Variants in GPR63 observed in about 807,000 individuals in gnomAD.
The protein encoded by GPR63 is probable G protein-coupled receptor 63.
A neutral mutation model predicts 23.1 loss-of-function variants in GPR63; 12 were observed. The observed-to-expected ratio is 0.52, with a 90% CI of 0.33 to 0.84. The LOEUF is 0.84. Ranked by LOEUF, GPR63 falls within the 40% of genes least tolerant of loss-of-function variation. The pLI, the probability that GPR63 is intolerant of heterozygous loss-of-function variation, is 0.02. For missense variants in GPR63, 472 were observed against 515.6 expected (o/e 0.92, Z 0.82); for synonymous variants, 172 against 191.1 (o/e 0.90, Z 0.82).
intron 1 of GPR63, among the ~76,000 whole-genome samples, chr6:96,821,469 A>G (rs1267579540): frequency 7.4e-6 from 1 of 135,008 alleles, no homozygotes; most frequent in Non-Finnish European, 1.6e-5. Context: ...TGACTTTCAA[A>G]TATCTCTTTT....
At chr6:96,818,457 C>T (rs1179258030) in intron 1 of GPR63, among the ~76,000 whole-genome samples, 1 of 151,566 alleles carries the variant, frequency 6.6e-6, no homozygotes, top group Non-Finnish European at 1.5e-5. Flanking sequence ...GAATAAAACT[C>T]CCATTCAAAA....
rs763686478 is a variant in GPR63, at chr6:96,798,689, T to C, written c.1043A>G (p.Asn348Ser). ...TAGCCAGGTGCTAATCTCAAAAAAG[T>C]TGTGCTGATAGTAAAAGTGCTTACT... Reference protein sequence around the residue: ...TFSKHFYYQHNFFEISTWLLW... With the variant: ...TFSKHFYYQHSFFEISTWLLW... Residue 348 changes from asparagine (N) to serine (S), a missense_variant, in exon 2 of 2, where the codon AAC becomes AGC. Transcript: ENST00000229955. 5.6e-6 allele frequency: 9 copies of C among 1,614,178 alleles called. No homozygotes were observed. In the South Asian group the frequency reaches 9.9e-5, roughly 18 times the overall value.
Position 96,799,827 on chromosome 6 carries a change from A to G in GPR63, c.-96T>C, listed in dbSNP as rs997661576. ...TATCAGGTCCCATTGATGGGCTTGG[A>G]AATACATTCTGGAAAATGGACAATG... On this transcript the variant is annotated 5_prime_UTR_variant, in exon 2 of 2. Transcript: ENST00000229955. The G allele has an allele frequency of 7.9e-7, 1 of 1,265,590 alleles. No individual in the cohort carries two copies. Among genetic ancestry groups the G allele is most frequent in the African/African-American group, 1.5e-5 (1 of 68,186 alleles). 78.4% of individuals were successfully genotyped at this position (1,265,590 alleles called of 1,614,324 possible). A position where few individuals can be genotyped will look rare whatever the true frequency, so the allele number is the denominator to read the frequency against.
intron 1 of GPR63, among the ~76,000 whole-genome samples, chr6:96,820,982 C>T (rs968229135): frequency 2.6e-5 from 4 of 152,248 alleles, no homozygotes; most frequent in Admixed American, 6.5e-5. Context: ...AAAAGTCAGT[C>T]GGGGAAACAA....
chr6:96,801,890 G>A (rs918539924), intron 1 of GPR63, among the ~76,000 whole-genome samples: 2 of 152,152 alleles, frequency 1.3e-5, no homozygotes, highest in Non-Finnish European at 2.9e-5. Flanking sequence ...GTGGTAGTTG[G>A]AAGATTTTAC....
At chr6:96,817,861 G>C (rs1774203379) in intron 1 of GPR63, among the ~76,000 whole-genome samples, 1 of 151,418 alleles carries the variant, frequency 6.6e-6, no homozygotes, top group Admixed American at 6.6e-5. Flanking sequence ...AGGGTTTCTG[G>C]GAGGTTCATA....
chr6:96,814,522 G>C (rs1774115877), intron 1 of GPR63, among the ~76,000 whole-genome samples: 1 of 152,130 alleles, frequency 6.6e-6, no homozygotes. Flanking sequence ...AGAGGGCAAT[G>C]TGCTGCCAAT....
intron 1 of GPR63, among the ~76,000 whole-genome samples, chr6:96,830,903 G>C (rs1774563416): frequency 6.6e-6 from 1 of 152,140 alleles, no homozygotes; most frequent in Non-Finnish European, 1.5e-5. Flanking sequence ...ATTTCAAAAG[G>C]TAATTTCTGG....
chr6:96,804,028 C>T lies in GPR63; in HGVS notation c.-150-4147G>A, dbSNP rs114366863. On this transcript the variant is annotated intron_variant, in intron 1 of 1. Transcript: ENST00000229955. ...CATGTATGTGTACTTGTAAAACTCG[C>T]GTATGGTAGAAGTGACTGGATTTAT... 2.4e-3 allele frequency among the ~76,000 whole-genome samples: 364 copies of T among 152,228 alleles called. 1 individual carries two copies. Among genetic ancestry groups the T allele is most frequent in the African/African-American group, 8.0e-3 (333 of 41,526 alleles).
At chr6:96,801,597 A>G (rs1044492187) in intron 1 of GPR63, among the ~76,000 whole-genome samples, 1 of 152,206 alleles carries the variant, frequency 6.6e-6, no homozygotes, top group African/African-American at 2.4e-5. Context: ...AAGATCCAGC[A>G]ATGTAGCCAA....
chr6:96,813,301 T>C (rs1312823126), intron 1 of GPR63, among the ~76,000 whole-genome samples: 1 of 152,208 alleles, frequency 6.6e-6, no homozygotes, highest in Non-Finnish European at 1.5e-5. Flanking sequence ...ATGATAAACA[T>C]GCAACCACAG....
At position 96,799,204 on chromosome 6, in the gene GPR63, G is replaced by A; in HGVS notation, c.528C>T (p.Ser176=). The change falls in exon 2 of 2, where the codon AGC becomes AGT. Residue 176 remains serine (S), a synonymous_variant. Coordinates refer to ENST00000229955, the MANE Select transcript of GPR63 (RefSeq NM_030784.4). The stretch of plus-strand genomic sequence containing the variant: ...GGACTATAATAAGGAACCTATCTAT[G>A]CTAATGATGAGCAGGATGGCTACTC... ...IEGVAILLII[S]IDRFLIIVQR... 1 of 1,614,134 alleles carries A rather than the reference G, an allele frequency of 6.2e-7. No individual in the cohort carries two copies. Among genetic ancestry groups the A allele is most frequent in the South Asian group, 1.1e-5 (1 of 91,070 alleles).
chr6:96,833,974 C>T (rs903440427), intron 1 of GPR63, among the ~76,000 whole-genome samples: 1 of 152,124 alleles, frequency 6.6e-6, no homozygotes, highest in East Asian at 1.9e-4. Context: ...GACCCGAGAG[C>T]TGTGTTAAAA....
At chr6:96,823,821 T>C (rs1328125) in intron 1 of GPR63, among the ~76,000 whole-genome samples, 42,491 of 152,002 alleles carry the variant, frequency 0.28, 6,001 homozygotes, top group South Asian at 0.31. Context: ...ACAGTTGTGC[T>C]ACAATTGCCT....
At chr6:96,834,672 C>T (rs1207527370) in intron 1 of GPR63, among the ~76,000 whole-genome samples, 2 of 152,000 alleles carry the variant, frequency 1.3e-5, no homozygotes, top group East Asian at 1.9e-4. Flanking sequence ...AAAAAAAAAC[C>T]GCCTAACAGA....
intron 1 of GPR63, among the ~76,000 whole-genome samples, chr6:96,811,837 AAAAT>A (rs199649144): frequency 0.19 from 27,176 of 141,666 alleles, 2,666 homozygotes; most frequent in African/African-American, 0.23. Context: ...TATTTCATTA[AAAAT>A]AAATAAATAA....
chr6:96,831,199 C>A (rs1033680474), intron 1 of GPR63, among the ~76,000 whole-genome samples: 14 of 152,056 alleles, frequency 9.2e-5, no homozygotes, highest in African/African-American at 2.9e-4. Context: ...GGCAAGAGGG[C>A]AGATGGCAAT....
At chr6:96,814,175 T>C (rs533731711) in intron 1 of GPR63, among the ~76,000 whole-genome samples, 3 of 152,138 alleles carry the variant, frequency 2.0e-5, no homozygotes, top group African/African-American at 7.2e-5. Context: ...ACCTTAAGTT[T>C]TCAAGCAAAG....
intron 1 of GPR63, among the ~76,000 whole-genome samples, chr6:96,805,666 T>C (rs1773878531): frequency 1.3e-5 from 2 of 152,334 alleles, no homozygotes; most frequent in South Asian, 2.1e-4. Context: ...ATTCTCTCAC[T>C]GGTTCTCTAA....
Sources: allele counts gnomAD v4.1 joint callset (sites outside exome capture counted in the v4.1 genomes callset), GRCh38; gene constraint gnomAD v4.1.1; transcripts MANE v1.5; gene names NCBI Gene and HGNC (gene_info 2026-07-23, HGNC 2026-07-21).